Variants in ARID1B observed in about 807,000 individuals in gnomAD.
The protein encoded by ARID1B is AT-rich interaction domain 1B.
In ARID1B, 30 loss-of-function variants were observed where a neutral mutation model predicts 212.3. That is an observed-to-expected ratio of 0.14 (90% CI 0.11 to 0.19). The LOEUF (loss-of-function observed/expected upper bound fraction) is 0.19. ARID1B is among the 10% of genes least tolerant of loss of function. The pLI is 1.00. For missense variants in ARID1B, 2,891 were observed against 3,204.0 expected, an observed-to-expected ratio of 0.90 and a Z score of 2.36; for synonymous variants, 1,402 against 1,301.7, an observed-to-expected ratio of 1.08 and a Z score of -1.66.
At chr6:156,823,988 C>T (rs1180632505) in intron 1 of ARID1B, among the ~76,000 whole-genome samples, 2 of 152,048 alleles carry the variant, frequency 1.3e-5, no homozygotes, top group Non-Finnish European at 2.9e-5. Context: ...AGTTGGATTC[C>T]CAGCCCAGCC....
intron 4 of ARID1B, among the ~76,000 whole-genome samples, chr6:156,961,928 C>T (rs1794406724): frequency 6.6e-6 from 1 of 152,052 alleles, no homozygotes. Context: ...ATAACACTGA[C>T]CCTATTTTTA....
At chr6:156,959,410 T>A (rs1249812587) in intron 4 of ARID1B, among the ~76,000 whole-genome samples, 1 of 152,246 alleles carries the variant, frequency 6.6e-6, no homozygotes, top group African/African-American at 2.4e-5. Flanking sequence ...TTAATTTGTA[T>A]TATTTTTACT....
At chr6:156,829,847 GA>G (rs963708894) in intron 2 of ARID1B, 54 of 143,504 alleles carry the variant, frequency 3.8e-4, no homozygotes, top group African/African-American at 4.3e-4. Context: ...TTTTAAAATT[GA>G]AAAAAAAAAA....
chr6:157,119,929 C>G (rs1249568562), intron 6 of ARID1B, among the ~76,000 whole-genome samples: 2 of 152,218 alleles, frequency 1.3e-5, no homozygotes, highest in East Asian at 3.8e-4. Context: ...AGCTTTATCA[C>G]TAACTAGTTT....
chr6:157,125,098 A>T (rs1282011211), intron 6 of ARID1B, among the ~76,000 whole-genome samples: 2 of 152,136 alleles, frequency 1.3e-5, no homozygotes, highest in Non-Finnish European at 2.9e-5. Context: ...AGGGCGGCAG[A>T]CTCGTGTGCT....
At chr6:157,123,640 C>T (rs1787932630) in intron 6 of ARID1B, among the ~76,000 whole-genome samples, 1 of 152,196 alleles carries the variant, frequency 6.6e-6, no homozygotes, top group African/African-American at 2.4e-5. Context: ...CATTTTCTGG[C>T]TTCACTGATG....
At chr6:157,184,946 G>A (rs1792872342) in intron 13 of ARID1B, 1 of 172,154 alleles carries the variant, frequency 5.8e-6, no homozygotes, top group African/African-American at 2.4e-5. Flanking sequence ...CTCACTTCTA[G>A]GGAATTTAAC....
At chr6:157,167,232 C>T (rs947494603) in intron 9 of ARID1B, 47 bp downstream of exon 9, 1 of 1,578,248 alleles carries the variant, frequency 6.3e-7, no homozygotes, top group Non-Finnish European at 8.6e-7. Flanking sequence ...TCTCCCCTCT[C>T]CTCCTCTTAG....
At chr6:156,806,219 G>A (rs565959293) in intron 1 of ARID1B, among the ~76,000 whole-genome samples, 16 of 152,132 alleles carry the variant, frequency 1.1e-4, no homozygotes, top group African/African-American at 1.2e-4. Context: ...ATAAACTCAC[G>A]TTCAGCACAT....
intron 3 of ARID1B, among the ~76,000 whole-genome samples, chr6:156,930,941 A>G (rs1791644875): frequency 6.6e-6 from 1 of 152,218 alleles, no homozygotes; most frequent in Admixed American, 6.5e-5. Context: ...CTGTAATCCC[A>G]GCACTTTGGG....
At chr6:156,871,164 G>A (rs1767787999) in intron 2 of ARID1B, among the ~76,000 whole-genome samples, 1 of 152,120 alleles carries the variant, frequency 6.6e-6, no homozygotes. Flanking sequence ...ATCTTGCTAC[G>A]GTTTCTTACA....
At chr6:157,086,735 A>G (rs12199581) in intron 5 of ARID1B, among the ~76,000 whole-genome samples, 4,684 of 152,334 alleles carry the variant, frequency 0.031, 113 homozygotes, top group South Asian at 0.046. Flanking sequence ...CACTTCGGGC[A>G]TGTGATCCTG....
At chr6:156,806,508 T>A (rs933427947) in intron 1 of ARID1B, among the ~76,000 whole-genome samples, 2 of 152,250 alleles carry the variant, frequency 1.3e-5, no homozygotes, top group African/African-American at 4.8e-5. Context: ...TGTTTGGTTT[T>A]GCTTAATAAT....
intron 4 of ARID1B, among the ~76,000 whole-genome samples, chr6:157,055,986 A>G (rs999410231): frequency 6.6e-6 from 1 of 152,120 alleles, no homozygotes; most frequent in Non-Finnish European, 1.5e-5. Flanking sequence ...CACCTCTTTT[A>G]AGGGATCACC....
At chr6:156,963,801 A>G (rs1453912333) in intron 4 of ARID1B, among the ~76,000 whole-genome samples, 1 of 152,196 alleles carries the variant, frequency 6.6e-6, no homozygotes, top group Non-Finnish European at 1.5e-5. Flanking sequence ...TGTAATATTT[A>G]TCTTGCACAA....
intron 4 of ARID1B, among the ~76,000 whole-genome samples, chr6:157,075,203 A>G (rs1211162416): frequency 6.6e-6 from 1 of 152,244 alleles, no homozygotes; most frequent in Non-Finnish European, 1.5e-5. Flanking sequence ...TCTATGAATC[A>G]TAACAGAAAA....
In ARID1B at chr6:156,974,546, C is replaced by T. The variant is rs2183462; in HGVS notation, c.2247+38970C>T. Among the ~76,000 whole-genome samples, 234 of 152,308 alleles carry T rather than the reference C, an allele frequency of 1.5e-3. 12 individuals carry two copies. In the East Asian group the frequency reaches 0.028, roughly 18 times the overall value. On this transcript the variant is annotated intron_variant, in intron 4 of 19. Transcript: ENST00000636930. ...CATAACGCAGAACCAAAAACCCCCACATGTACTCTCTGACATCTTCTTCAC... is the reference window on the plus strand; with the variant it reads ...CATAACGCAGAACCAAAAACCCCCATATGTACTCTCTGACATCTTCTTCAC...
intron 4 of ARID1B, among the ~76,000 whole-genome samples, chr6:156,964,571 C>T (rs546886490): frequency 2.6e-5 from 4 of 152,146 alleles, no homozygotes; most frequent in East Asian, 3.9e-4. Context: ...TAATTTTATG[C>T]GTATACTCAA....
intron 3 of ARID1B, among the ~76,000 whole-genome samples, chr6:156,908,721 A>G (rs1289901760): frequency 2.0e-5 from 3 of 152,134 alleles, no homozygotes; most frequent in Non-Finnish European, 4.4e-5. Context: ...TTTTAGTTCT[A>G]AGAAATTTCT....
Sources: gnomAD v4.1 joint callset for allele counts (sites outside exome capture counted in the v4.1 genomes callset) on GRCh38, gnomAD v4.1.1 for gene constraint, MANE v1.5 for transcripts, NCBI Gene and HGNC (gene_info 2026-07-23, HGNC 2026-07-21) for gene names.